Variants in DSCAM observed in about 807,000 individuals in gnomAD.
DSCAM encodes cell adhesion molecule DSCAM.
A neutral mutation model predicts 217.7 loss-of-function variants in DSCAM; 47 were observed. The ratio of observed to expected loss-of-function variants is 0.22; its 90% CI spans 0.17 to 0.28. The LOEUF (loss-of-function observed/expected upper bound fraction) is 0.28, where lower values mean the gene tolerates loss of function less well. Among genes scored for constraint, DSCAM ranks in the 10% least tolerant of loss-of-function variants. DSCAM has a pLI of 1.00. For missense variants in DSCAM, 2,080 were observed against 2,618.3 expected, an observed-to-expected ratio of 0.79 and a Z score of 4.49; for synonymous variants, 1,056 against 1,015.3, an observed-to-expected ratio of 1.04 and a Z score of -0.76.
At chr21:40,272,473 C>T (rs371832126) in intron 11 of DSCAM, among the ~76,000 whole-genome samples, 10 of 152,230 alleles carry the variant, frequency 6.6e-5, no homozygotes, top group African/African-American at 2.2e-4. Context: ...GATTCAATAA[C>T]AACAACAAAA....
intron 3 of DSCAM, among the ~76,000 whole-genome samples, chr21:40,509,782 A>G (rs1183242656): frequency 6.6e-6 from 1 of 152,230 alleles, no homozygotes; most frequent in Non-Finnish European, 1.5e-5. Context: ...GAAACCAAAC[A>G]AAACTAGAAC....
intron 1 of DSCAM, among the ~76,000 whole-genome samples, chr21:40,731,712 A>AC (rs1438324049): frequency 7.5e-6 from 1 of 133,416 alleles, no homozygotes; most frequent in Non-Finnish European, 1.6e-5. Flanking sequence ...TAACTTAATT[A>AC]CCTCCTTCCC....
chr21:40,139,774 G>A (rs1403084657), intron 18 of DSCAM, among the ~76,000 whole-genome samples: 2 of 151,402 alleles, frequency 1.3e-5, no homozygotes, highest in African/African-American at 2.4e-5. Flanking sequence ...TGGTATATGA[G>A]GGATGTGTGT....
intron 27 of DSCAM, among the ~76,000 whole-genome samples, chr21:40,064,497 A>G (rs530837788): frequency 6.6e-6 from 1 of 152,154 alleles, no homozygotes; most frequent in African/African-American, 2.4e-5. Flanking sequence ...GCTCCCCACA[A>G]TGACTGCCAT....
chr21:40,108,942 G>T (rs1235531457), intron 20 of DSCAM, among the ~76,000 whole-genome samples: 1 of 152,206 alleles, frequency 6.6e-6, no homozygotes, highest in Non-Finnish European at 1.5e-5. Context: ...TAACTAGCTA[G>T]CCATATGCAG....
chr21:40,352,850 A>C (rs941493133), intron 5 of DSCAM, among the ~76,000 whole-genome samples: 1 of 152,034 alleles, frequency 6.6e-6, no homozygotes, highest in East Asian at 1.9e-4. Flanking sequence ...CCTTCCTCCA[A>C]ATCTGCCTTC....
chr21:40,667,657 G>A (rs1181237262), intron 3 of DSCAM, among the ~76,000 whole-genome samples: 1 of 148,632 alleles, frequency 6.7e-6, no homozygotes, highest in Non-Finnish European at 1.5e-5. Flanking sequence ...TGCTATTCTC[G>A]TGATAGTGAG....
chr21:40,270,666 T>C lies in DSCAM; in HGVS notation c.2356+5431A>G, dbSNP rs188700460. ...GGAAGAGGGGCTTGGTGGGAGGTGA[T>C]TGGCTCAGCAGACTGAGTGATCATA... On this transcript the variant is annotated intron_variant, in intron 11 of 32. Coordinates refer to ENST00000400454, the MANE Select transcript of DSCAM (RefSeq NM_001389.5). Among the ~76,000 whole-genome samples, 124 of 152,250 alleles carry C rather than the reference T, an allele frequency of 8.1e-4. 1 individual carries two copies. Among genetic ancestry groups the C allele is most frequent in the Admixed American group, 6.5e-4 (10 of 15,298 alleles).
At chr21:40,756,249 C>A (rs1409824073) in intron 1 of DSCAM, among the ~76,000 whole-genome samples, 1 of 152,194 alleles carries the variant, frequency 6.6e-6, no homozygotes, top group Admixed American at 6.5e-5. Context: ...GCCATAGGAG[C>A]TGCCTGCTCC....
intron 3 of DSCAM, among the ~76,000 whole-genome samples, chr21:40,614,007 A>G (rs2089351609): frequency 1.3e-5 from 2 of 152,222 alleles, no homozygotes; most frequent in Non-Finnish European, 2.9e-5. Context: ...CCATCCTATC[A>G]AAGGAAAAAA....
chr21:40,702,071 C>A (rs1016731480), intron 2 of DSCAM, among the ~76,000 whole-genome samples: 3 of 152,096 alleles, frequency 2.0e-5, no homozygotes, highest in African/African-American at 7.2e-5. Flanking sequence ...ATTCTCATTG[C>A]AGTTCTATCC....
At chr21:40,072,073 C>A (rs2089299415) in intron 27 of DSCAM, among the ~76,000 whole-genome samples, 1 of 152,182 alleles carries the variant, frequency 6.6e-6, no homozygotes, top group Admixed American at 6.5e-5. Context: ...CAAGCCTTGA[C>A]CCACTGCCAC....
intron 1 of DSCAM, among the ~76,000 whole-genome samples, chr21:40,758,233 A>T (rs2091295427): frequency 6.6e-6 from 1 of 152,160 alleles, no homozygotes; most frequent in South Asian, 2.1e-4. Context: ...CTCTAGAACT[A>T]TGGCAAAATA....
intron 3 of DSCAM, among the ~76,000 whole-genome samples, chr21:40,499,055 T>G (rs907969365): frequency 4.6e-5 from 7 of 151,930 alleles, no homozygotes; most frequent in Non-Finnish European, 8.8e-5. Flanking sequence ...TGAGTAATAA[T>G]TCCTGAAAAA....
intron 10 of DSCAM, among the ~76,000 whole-genome samples, chr21:40,286,398 G>A (rs2073824164): frequency 1.3e-5 from 2 of 152,112 alleles, no homozygotes; most frequent in Non-Finnish European, 2.9e-5. Context: ...GGGGCACTCA[G>A]GCACGAGGCT....
intron 32 of DSCAM, among the ~76,000 whole-genome samples, chr21:40,035,574 T>TAACA: frequency 7.3e-6 from 1 of 137,114 alleles, no homozygotes; most frequent in South Asian, 2.4e-4. Context: ...TGGGAGACTT[T>TAACA]AACACCCCAC....
intron 1 of DSCAM, among the ~76,000 whole-genome samples, chr21:40,831,030 A>C (rs552800601): frequency 3.8e-4 from 58 of 152,308 alleles, no homozygotes; most frequent in Non-Finnish European, 7.8e-4. Context: ...TGGTGACTTC[A>C]TTAGAACAGT....
intron 32 of DSCAM, among the ~76,000 whole-genome samples, chr21:40,020,254 T>C (rs1423493749): frequency 6.6e-6 from 1 of 152,200 alleles, no homozygotes. Flanking sequence ...CCTTCCGCCA[T>C]GATTGTGAGG....
At chr21:40,582,146 G>T (rs1158696566) in intron 3 of DSCAM, among the ~76,000 whole-genome samples, 1 of 152,092 alleles carries the variant, frequency 6.6e-6, no homozygotes, top group Non-Finnish European at 1.5e-5. Context: ...TAGTCCTGGG[G>T]ACTGTGTATA....
Sources: allele counts gnomAD v4.1 joint callset (sites outside exome capture counted in the v4.1 genomes callset), GRCh38; gene constraint gnomAD v4.1.1; transcripts MANE v1.5; gene names NCBI Gene and HGNC (gene_info 2026-07-23, HGNC 2026-07-21).